The following KCNMA1 variants were observed in gnomAD, a reference collection of about 807,000 sequenced individuals.
KCNMA1 encodes Calcium-activated potassium channel subunit alpha-1.
A neutral mutation model predicts 140.0 loss-of-function variants in KCNMA1; 29 were observed. That is an observed-to-expected ratio of 0.21 (90% CI 0.15 to 0.28). The LOEUF (loss-of-function observed/expected upper bound fraction) is 0.28. KCNMA1 is among the 10% of genes least tolerant of loss of function. The pLI is 1.00. For synonymous variants in KCNMA1, 612 were observed against 611.9 expected, an observed-to-expected ratio of 1.00 and a Z score of 0.00; for missense variants, 880 against 1,602.2, an observed-to-expected ratio of 0.55 and a Z score of 7.70.
intron 17 of KCNMA1, among the ~76,000 whole-genome samples, chr10:77,017,630 T>A (rs1373288506): frequency 6.6e-6 from 1 of 152,174 alleles, no homozygotes. Flanking sequence ...CTGTAGCCAG[T>A]ATGGCTTAGT....
intron 12 of KCNMA1, among the ~76,000 whole-genome samples, chr10:77,082,635 T>C (rs781012808): frequency 5.3e-5 from 8 of 152,132 alleles, no homozygotes; most frequent in Admixed American, 1.3e-4. Context: ...TCCTTCCTAC[T>C]TCAAAGAAAG....
At chr10:76,995,967 C>T (rs1360155757) in intron 19 of KCNMA1, among the ~76,000 whole-genome samples, 2 of 152,200 alleles carry the variant, frequency 1.3e-5, no homozygotes, top group African/African-American at 4.8e-5. Context: ...GAGAAGTTGG[C>T]TGCCTTTTGC....
intron 1 of KCNMA1, among the ~76,000 whole-genome samples, chr10:77,487,503 G>GGATACC (rs1393425914): frequency 6.6e-6 from 1 of 151,950 alleles, no homozygotes; most frequent in South Asian, 2.1e-4. Flanking sequence ...GCCCTCAAAG[G>GGATACC]GATACCCCCA....
intron 1 of KCNMA1, among the ~76,000 whole-genome samples, chr10:77,505,817 C>A (rs2045601213): frequency 6.6e-6 from 1 of 152,128 alleles, no homozygotes; most frequent in African/African-American, 2.4e-5. Flanking sequence ...AAGTAATTAG[C>A]TAACATTTAG....
At chr10:77,570,990 T>G (rs76323726) in intron 1 of KCNMA1, among the ~76,000 whole-genome samples, 102 of 152,282 alleles carry the variant, frequency 6.7e-4, no homozygotes, top group East Asian at 4.6e-3. Context: ...TTAATGTTGC[T>G]CATAAAAATA....
chr10:77,044,852 C>A (rs1336353827), intron 14 of KCNMA1, among the ~76,000 whole-genome samples: 2 of 152,096 alleles, frequency 1.3e-5, no homozygotes, highest in African/African-American at 4.8e-5. Flanking sequence ...ACACTCTTAA[C>A]CACCCACCAC....
intron 1 of KCNMA1, among the ~76,000 whole-genome samples, chr10:77,570,600 G>GGGGGGAT (rs2070760416): frequency 1.1e-5 from 1 of 92,974 alleles, no homozygotes; most frequent in African/African-American, 4.1e-5. Flanking sequence ...GGTAGGGGGA[G>GGGGGGAT]GGGGGAGGGA....
chr10:77,431,836 A>G (rs2097161379), intron 1 of KCNMA1, among the ~76,000 whole-genome samples: 1 of 152,066 alleles, frequency 6.6e-6, no homozygotes, highest in Non-Finnish European at 1.5e-5. Flanking sequence ...TCTCTAAAAT[A>G]TAAAAAATTA....
chr10:76,972,482 T>C (rs1448884030), intron 19 of KCNMA1, among the ~76,000 whole-genome samples: 1 of 152,202 alleles, frequency 6.6e-6, no homozygotes, highest in African/African-American at 2.4e-5. Flanking sequence ...TTTGGTTAAG[T>C]GGCCATTATC....
chr10:77,082,208 T>C (rs1362022324), intron 12 of KCNMA1, among the ~76,000 whole-genome samples: 1 of 151,688 alleles, frequency 6.6e-6, no homozygotes, highest in Non-Finnish European at 1.5e-5. Flanking sequence ...TTTGTATTTT[T>C]AGTAGATACG....
rs779580924 is a variant in KCNMA1, at chr10:77,349,924, C to T, written c.540+53938G>A. On this transcript the variant is annotated intron_variant, in intron 2 of 27. Coordinates refer to ENST00000286628, the MANE Select transcript of KCNMA1 (RefSeq NM_001161352.2). ...TCTTTTATTTTTTGAGACAGAGTCTCGCTCTGTCACCCAGCCTGGAGTATA... is the reference window on the plus strand; with the variant it reads ...TCTTTTATTTTTTGAGACAGAGTCTTGCTCTGTCACCCAGCCTGGAGTATA... 5.6e-4 allele frequency among the ~76,000 whole-genome samples: 85 copies of T among 152,120 alleles called. 2 individuals carry two copies. Among genetic ancestry groups the T allele is most frequent in the Middle Eastern group, 3.2e-3 (1 of 316 alleles).
chr10:77,262,294 G>T (rs1206722388), intron 2 of KCNMA1, among the ~76,000 whole-genome samples: 1 of 152,180 alleles, frequency 6.6e-6, no homozygotes, highest in Non-Finnish European at 1.5e-5. Context: ...TATGCTAAGT[G>T]AAATAAGCTA....
intron 2 of KCNMA1, among the ~76,000 whole-genome samples, chr10:77,255,386 G>C (rs2060508119): frequency 2.0e-5 from 3 of 151,640 alleles, no homozygotes; most frequent in Non-Finnish European, 4.4e-5. Context: ...GATCACTTGA[G>C]GCCAGGAGTT....
At chr10:77,144,344 T>C (rs1048295947) in intron 5 of KCNMA1, among the ~76,000 whole-genome samples, 1 of 152,186 alleles carries the variant, frequency 6.6e-6, no homozygotes, top group Non-Finnish European at 1.5e-5. Context: ...CATGATTCCA[T>C]TCATACAAAA....
chr10:76,952,413 G>A (rs772589725), intron 21 of KCNMA1, among the ~76,000 whole-genome samples: 5 of 152,072 alleles, frequency 3.3e-5, no homozygotes, highest in African/African-American at 4.8e-5. Context: ...CCAGCTACTC[G>A]GGAGGCTGAG....
intron 1 of KCNMA1, among the ~76,000 whole-genome samples, chr10:77,572,554 A>G (rs1402763743): frequency 9.3e-6 from 1 of 106,988 alleles, no homozygotes; most frequent in Non-Finnish European, 1.8e-5. Context: ...TGTCGCTCCA[A>G]AAAAAAAAAA....
At chr10:76,920,146 T>C (rs2055092350) in intron 23 of KCNMA1, among the ~76,000 whole-genome samples, 1 of 149,316 alleles carries the variant, frequency 6.7e-6, no homozygotes, top group African/African-American at 2.5e-5. Context: ...TCCAGGACAC[T>C]GTAAACCCAA....
intron 19 of KCNMA1, chr10:76,974,708 TTTTTTTCCCTTTC>T (rs2076989435): frequency 3.2e-6 from 2 of 634,906 alleles, no homozygotes; most frequent in African/African-American, 1.8e-5. Context: ...TGAATTGCCA[TTTTTTTCCCTTTC>T]TTTTACCCTG....
At chr10:76,945,015 C>CAG (rs149631521) in intron 22 of KCNMA1, 50 bp from the exon 23 acceptor site, 448 of 1,414,176 alleles carry the variant, frequency 3.2e-4, no homozygotes, top group Non-Finnish European at 3.8e-4. Flanking sequence ...GAGAAAGAGA[C>CAG]AGAGAGAGAG....
Sources: allele counts gnomAD v4.1 joint callset (sites outside exome capture counted in the v4.1 genomes callset), GRCh38; gene constraint gnomAD v4.1.1; transcripts MANE v1.5; gene names NCBI Gene and HGNC (gene_info 2026-07-23, HGNC 2026-07-21).